Variants in ACKR3 observed in about 807,000 individuals in gnomAD.
ACKR3 encodes atypical chemokine receptor 3, also known as C-X-C chemokine receptor type 7.
In ACKR3, 6 loss-of-function variants were observed where a neutral mutation model predicts 22.4. The observed-to-expected ratio is 0.27, with a 90% CI of 0.15 to 0.53. The LOEUF is 0.53. Among genes scored for constraint, ACKR3 ranks in the 20% least tolerant of loss-of-function variants. The pLI is 0.96. For synonymous variants in ACKR3, 209 were observed against 205.2 expected (o/e 1.02, Z -0.16); for missense variants, 396 against 475.2 (o/e 0.83, Z 1.55).
the ACKR3 span, among the ~76,000 whole-genome samples, chr2:236,539,550 T>G: frequency 6.6e-6 from 1 of 152,046 alleles, no homozygotes; most frequent in South Asian, 2.1e-4. Flanking sequence ...TAACCTCAAG[T>G]GATCCACCTG....
the ACKR3 span, among the ~76,000 whole-genome samples, chr2:236,557,730 G>C: frequency 1.3e-5 from 2 of 152,154 alleles, no homozygotes; most frequent in African/African-American, 4.8e-5. Context: ...ATGACATAGA[G>C]AAAAGGGAGT....
At chr2:236,551,784 C>T in the ACKR3 span, among the ~76,000 whole-genome samples, 4 of 152,232 alleles carry the variant, frequency 2.6e-5, no homozygotes. Flanking sequence ...CCTCCAAGAC[C>T]TTGATGGGCT....
At chr2:236,560,669 G>C in the ACKR3 span, among the ~76,000 whole-genome samples, 6 of 152,116 alleles carry the variant, frequency 3.9e-5, no homozygotes, top group African/African-American at 1.4e-4. Context: ...TTGCTGTGCA[G>C]GTTTTTAGTT....
the ACKR3 span, among the ~76,000 whole-genome samples, chr2:236,537,837 T>C: frequency 6.6e-6 from 1 of 152,242 alleles, no homozygotes; most frequent in South Asian, 2.1e-4. Context: ...GGGTTAATGT[T>C]CTTATCAAAT....
chr2:236,543,949 A>G, the ACKR3 span, among the ~76,000 whole-genome samples: 12 of 40,022 alleles, frequency 3.0e-4, no homozygotes, highest in South Asian at 3.1e-3. Flanking sequence ...GGGTATATAT[A>G]TATATATATA....
intron 1 of ACKR3, among the ~76,000 whole-genome samples, chr2:236,575,631 G>T (rs116395283): frequency 0.11 from 11,770 of 103,168 alleles, 799 homozygotes; most frequent in Middle Eastern, 0.25. Context: ...GTCTGGGGTT[G>T]TGCTGTGTGT....
At chr2:236,565,671 T>C (rs1691163153), upstream of ACKR3, among the ~76,000 whole-genome samples, 1 of 152,188 alleles carries the variant, frequency 6.6e-6, no homozygotes, top group African/African-American at 2.4e-5. Flanking sequence ...CTCCTGTTAA[T>C]CTATCTTATG....
the ACKR3 span, among the ~76,000 whole-genome samples, chr2:236,555,047 C>T: frequency 3.3e-5 from 5 of 152,206 alleles, no homozygotes; most frequent in African/African-American, 1.2e-4. Context: ...CAAGTGGTTG[C>T]CAAGCTCATG....
At chr2:236,548,837 G>A in the ACKR3 span, among the ~76,000 whole-genome samples, 2 of 152,180 alleles carry the variant, frequency 1.3e-5, no homozygotes, top group Non-Finnish European at 2.9e-5. The surrounding 1 kb of genome is among the most constrained non-coding windows in gnomAD (Gnocchi z 4.3). Flanking sequence ...TACTGGATGA[G>A]TTTCTTGCCA....
Position 236,580,646 on chromosome 2 carries a change from G to C in ACKR3, c.181G>C (p.Ala61Pro). ...YIFIFVIGMI[A>P]NSVVVWVNIQ... is the part of the protein sequence containing the mutation. ...TTTCATCTTCGTCATCGGCATGATT[G>C]CCAACTCCGTGGTGGTCTGGGTGAA... Residue 61 changes from alanine (A) to proline (P), a missense_variant, in exon 2 of 2, where the codon GCC (alanine) becomes CCC (proline). Transcript: ENST00000272928. The C allele has an allele frequency of 2.5e-6, 4 of 1,613,974 alleles. No individual in the cohort carries two copies. The highest frequency in any genetic ancestry group is 3.4e-6 in the Non-Finnish European group (4 of 1,179,920).
At chr2:236,560,711 C>T in the ACKR3 span, among the ~76,000 whole-genome samples, 13 of 152,058 alleles carry the variant, frequency 8.5e-5, no homozygotes, top group African/African-American at 3.1e-4. Flanking sequence ...TTTTGTCTTT[C>T]GCTGCCCGTG....
intron 1 of ACKR3, among the ~76,000 whole-genome samples, chr2:236,578,055 G>T (rs1412836782): frequency 1.3e-5 from 2 of 152,258 alleles, no homozygotes; most frequent in Non-Finnish European, 2.9e-5. Context: ...AAGGAACAAG[G>T]ATTGTTGCAG....
In ACKR3 at chr2:236,574,999, C is replaced by G. The variant is rs76584428; in HGVS notation, c.-27+5075C>G. ...CTGTCACTGCAACGTGCGACAGGGC[C>G]GCTAAAAAGGTGACCCCTGTACGAA... is the stretch of plus-strand genomic sequence containing the variant. On this transcript the variant is annotated intron_variant, in intron 1 of 1. Coordinates refer to ENST00000272928, the MANE Select transcript of ACKR3 (RefSeq NM_020311.3). The surrounding 1 kb of genome is among the most constrained non-coding windows in gnomAD (Gnocchi z 5.6). Among the ~76,000 whole-genome samples, 2,107 of 152,110 alleles carry G rather than the reference C, an allele frequency of 0.014. 56 individuals are homozygous for G. The highest frequency in any genetic ancestry group is 0.048 in the African/African-American group (2,006 of 41,478).
At chr2:236,538,510 C>T in the ACKR3 span, among the ~76,000 whole-genome samples, 56 of 152,250 alleles carry the variant, frequency 3.7e-4, no homozygotes, top group African/African-American at 1.0e-3. Flanking sequence ...TGAGGAGTCC[C>T]TTGGAGAAAT....
At chr2:236,564,203 G>T (rs1250820706), upstream of ACKR3, among the ~76,000 whole-genome samples, 2 of 152,210 alleles carry the variant, frequency 1.3e-5, no homozygotes, top group African/African-American at 2.4e-5. Flanking sequence ...TTGGCATGAG[G>T]TGTAACCCAG....
chr2:236,581,053 C>T lies in ACKR3; in HGVS notation c.588C>T (p.Cys196=), dbSNP rs760391331. 6.2e-7 allele frequency: 1 copy of T among 1,614,218 alleles called. No individual in the cohort carries two copies. Among genetic ancestry groups the T allele is most frequent in the Non-Finnish European group, 8.5e-7 (1 of 1,180,052 alleles). ...VTSASNNETY[C]RSFYPEHSIK... ...CTGCGTCCAACAATGAGACCTACTGCCGGTCCTTCTACCCCGAGCACAGCA... is the reference window on the plus strand; with the variant it reads ...CTGCGTCCAACAATGAGACCTACTGTCGGTCCTTCTACCCCGAGCACAGCA... The change falls in exon 2 of 2, where the codon TGC becomes TGT. Residue 196 remains cysteine (C), a synonymous_variant. Transcript: ENST00000272928. This position sits in a 1 kb window ranked among gnomAD's most constrained non-coding sequence, Gnocchi z 4.4.
At chr2:236,551,030 A>G in the ACKR3 span, among the ~76,000 whole-genome samples, 1 of 152,096 alleles carries the variant, frequency 6.6e-6, no homozygotes, top group Non-Finnish European at 1.5e-5. Flanking sequence ...TCCCTGTGGA[A>G]GTTTCTGCCT....
chr2:236,571,219 G>A (rs1691300601), intron 1 of ACKR3, among the ~76,000 whole-genome samples: 1 of 152,224 alleles, frequency 6.6e-6, no homozygotes. Flanking sequence ...CTAAAGCAAA[G>A]TTGCACATGG....
chr2:236,580,966 G>C lies in ACKR3; in HGVS notation c.501G>C (p.Leu167=), dbSNP rs769753855. 1.9e-6 allele frequency: 3 copies of C among 1,614,130 alleles called. No individual in the cohort carries two copies. In the South Asian group the frequency reaches 3.3e-5, roughly 18 times the overall value. ...KKMVRRVVCI[L]VWLLAFCVSL... is the part of the protein sequence containing the mutation. ...TGGTACGCCGTGTCGTCTGCATCCT[G>C]GTGTGGCTGCTGGCCTTCTGCGTGT... The change falls in exon 2 of 2, where the codon CTG becomes CTC. Residue 167 remains leucine (L), a synonymous_variant. Transcript: ENST00000272928.
Sources: allele counts gnomAD v4.1 joint callset (sites outside exome capture counted in the v4.1 genomes callset), GRCh38; gene constraint gnomAD v4.1.1; non-coding constraint Gnocchi (gnomAD v3.1); transcripts MANE v1.5; gene names NCBI Gene and HGNC (gene_info 2026-07-23, HGNC 2026-07-21).